The following PPM1H variants were observed in gnomAD, a reference collection of about 807,000 sequenced individuals.
The protein encoded by PPM1H is protein phosphatase 1H.
A neutral mutation model predicts 54.9 loss-of-function variants in PPM1H; 27 were observed. The observed-to-expected ratio is 0.49, with a 90% CI of 0.36 to 0.68. The LOEUF (loss-of-function observed/expected upper bound fraction) is 0.68, where lower values mean the gene tolerates loss of function less well. PPM1H is among the 30% of genes least tolerant of loss of function. PPM1H has a pLI of 0.00. For synonymous variants in PPM1H, 305 were observed against 270.8 expected (o/e 1.13, Z -1.24); for missense variants, 596 against 667.8 (o/e 0.89, Z 1.19).
At chr12:62,867,946 G>A (rs976072799) in intron 1 of PPM1H, among the ~76,000 whole-genome samples, 7 of 152,032 alleles carry the variant, frequency 4.6e-5, no homozygotes, top group South Asian at 2.1e-4. Context: ...CCCATATTAC[G>A]TTCTGGGGTG....
chr12:62,735,491 T>C (rs2076345199), intron 5 of PPM1H, among the ~76,000 whole-genome samples: 1 of 152,192 alleles, frequency 6.6e-6, no homozygotes, highest in Non-Finnish European at 1.5e-5. Flanking sequence ...GTGCTGGGAT[T>C]ACAGGCATGA....
chr12:62,743,782 G>T (rs2120548038), intron 4 of PPM1H, among the ~76,000 whole-genome samples: 1 of 151,988 alleles, frequency 6.6e-6, no homozygotes, highest in South Asian at 2.1e-4. Context: ...GATTAATAAA[G>T]ATATGAAAAG....
rs999928700 is a variant in PPM1H at position 62,666,970 on chromosome 12, C to G, written c.1397+208G>C. Among the ~76,000 whole-genome samples, 6 of 152,182 alleles carry G rather than the reference C, an allele frequency of 3.9e-5. No homozygotes were observed. The South Asian group carries it at 8.3e-4, about 21-fold the overall frequency. ...CTCATGATTCACCCGCCTTGGCCCC[C>G]CAAAGTGCTGGGATTATAGGCATGA... On this transcript the variant is annotated intron_variant, in intron 9 of 9. Transcript: ENST00000228705.
chr12:62,855,210 G>A (rs1164185849), intron 1 of PPM1H, among the ~76,000 whole-genome samples: 1 of 152,062 alleles, frequency 6.6e-6, no homozygotes, highest in Non-Finnish European at 1.5e-5. Flanking sequence ...CCACCCTCTC[G>A]CTTCCTGGCA....
chr12:62,816,040 G>A (rs975428970), intron 2 of PPM1H, among the ~76,000 whole-genome samples: 3 of 152,208 alleles, frequency 2.0e-5, no homozygotes, highest in Admixed American at 2.0e-4. Context: ...TAATGGAAAT[G>A]AGAAAATATT....
intron 9 of PPM1H, among the ~76,000 whole-genome samples, chr12:62,663,346 T>A (rs879510087): frequency 6.9e-5 from 10 of 144,958 alleles, no homozygotes; most frequent in Non-Finnish European, 1.1e-4. Flanking sequence ...AAAAAAAAAA[T>A]TTATAAAATA....
At chr12:62,850,208 C>T (rs1436156666) in intron 1 of PPM1H, among the ~76,000 whole-genome samples, 1 of 152,144 alleles carries the variant, frequency 6.6e-6, no homozygotes, top group Non-Finnish European at 1.5e-5. Context: ...CTCAAGCAAT[C>T]AACCTGCCTT....
chr12:62,667,578 A>T (rs113197544), intron 8 of PPM1H, among the ~76,000 whole-genome samples: 13 of 152,214 alleles, frequency 8.5e-5, no homozygotes, highest in African/African-American at 2.9e-4. Context: ...AGTAATTGAC[A>T]TAGAAGAAAT....
intron 9 of PPM1H, among the ~76,000 whole-genome samples, chr12:62,652,574 T>C (rs1198786684): frequency 6.6e-6 from 1 of 152,250 alleles, no homozygotes; most frequent in African/African-American, 2.4e-5. Flanking sequence ...TCTTTCCTTC[T>C]TTCTTGTTTT....
intron 3 of PPM1H, among the ~76,000 whole-genome samples, chr12:62,792,501 C>T (rs537469801): frequency 6.6e-6 from 1 of 152,216 alleles, no homozygotes. Context: ...TTCCCTCCCC[C>T]ACATTTGTGT....
chr12:62,791,257 A>T (rs1366114347), intron 3 of PPM1H, among the ~76,000 whole-genome samples: 1 of 152,100 alleles, frequency 6.6e-6, no homozygotes, highest in Non-Finnish European at 1.5e-5. Flanking sequence ...CCTACACAAG[A>T]CTGGTAGAAG....
chr12:62,670,140 G>A (rs962775321), intron 8 of PPM1H, among the ~76,000 whole-genome samples: 4 of 151,642 alleles, frequency 2.6e-5, no homozygotes, highest in Admixed American at 6.6e-5. Flanking sequence ...ACCACGCCCG[G>A]CTAATTTTGT....
At chr12:62,802,205 T>C (rs2076775133) in intron 2 of PPM1H, 45 bp from the exon 3 acceptor site, 2 of 1,465,148 alleles carry the variant, frequency 1.4e-6, no homozygotes, top group East Asian at 2.4e-5. Context: ...GCTGTGGACT[T>C]TGCCTCAGGG....
intron 1 of PPM1H, among the ~76,000 whole-genome samples, chr12:62,909,803 C>T (rs1046643130): frequency 6.6e-6 from 1 of 152,192 alleles, no homozygotes; most frequent in Non-Finnish European, 1.5e-5. Flanking sequence ...TCACCATTTC[C>T]CCAGCACTTA....
chr12:62,779,778 G>T (rs17098314), intron 4 of PPM1H, among the ~76,000 whole-genome samples: 14,745 of 152,206 alleles, frequency 0.097, 777 homozygotes, highest in South Asian at 0.15. Flanking sequence ...TCTATCCCAG[G>T]CTCATGGACA....
intron 4 of PPM1H, chr12:62,755,929 T>C: frequency 1.2e-6 from 1 of 811,372 alleles, no homozygotes; most frequent in Non-Finnish European, 2.1e-6. Flanking sequence ...TGGCCTTCTG[T>C]GTCCCTACTG....
At chr12:62,923,397 C>A (rs1276370460) in intron 1 of PPM1H, among the ~76,000 whole-genome samples, 1 of 151,716 alleles carries the variant, frequency 6.6e-6, no homozygotes, top group South Asian at 2.1e-4. Flanking sequence ...ATTTTTTTTT[C>A]TTTTTTTGTT....
chr12:62,768,526 G>C (rs1313571513), intron 4 of PPM1H, among the ~76,000 whole-genome samples: 1 of 151,992 alleles, frequency 6.6e-6, no homozygotes, highest in Admixed American at 6.6e-5. Flanking sequence ...ATGGTGGCGG[G>C]CGCCTGTAAT....
At chr12:62,736,372 C>G (rs1331646201) in intron 5 of PPM1H, among the ~76,000 whole-genome samples, 1 of 152,142 alleles carries the variant, frequency 6.6e-6, no homozygotes, top group Non-Finnish European at 1.5e-5. Flanking sequence ...AAGAAAATGA[C>G]GAGGTCTGAA....
Sources: allele counts gnomAD v4.1 joint callset (sites outside exome capture counted in the v4.1 genomes callset), GRCh38; gene constraint gnomAD v4.1.1; transcripts MANE v1.5; gene names NCBI Gene and HGNC (gene_info 2026-07-23, HGNC 2026-07-21).